The following ARHGEF3 variants were observed in gnomAD, a reference collection of about 807,000 sequenced individuals.
ARHGEF3 encodes 59.8 kDA protein.
A neutral mutation model predicts 63.2 loss-of-function variants in ARHGEF3; 28 were observed. The observed-to-expected ratio is 0.44, with a 90% CI of 0.33 to 0.61. The LOEUF is 0.61. ARHGEF3 is among the 20% of genes least tolerant of loss of function. The pLI is 0.03. For synonymous variants in ARHGEF3, 266 were observed against 254.2 expected, an observed-to-expected ratio of 1.05 and a Z score of -0.44; for missense variants, 533 against 659.3, an observed-to-expected ratio of 0.81 and a Z score of 2.10.
Position 56,816,638 on chromosome 3 carries a change from T to A in ARHGEF3, c.193-42822A>T, listed in dbSNP as rs543031492. Among the ~76,000 whole-genome samples the A allele has an allele frequency of 2.6e-5, 4 of 152,328 alleles. No homozygotes were observed. The South Asian group carries it at 6.2e-4, about 24-fold the overall frequency. On this transcript the variant is annotated intron_variant, in intron 4 of 12. Transcript: ENST00000338458. The stretch of plus-strand genomic sequence containing the variant: ...GCCAGGCACTGTGCTTTGACTTTAA[T>A]GAAGTATCTCAAGTAATCCTTACAA...
At chr3:57,001,386 TCA>T (rs1702186732) in intron 2 of ARHGEF3, among the ~76,000 whole-genome samples, 1 of 152,236 alleles carries the variant, frequency 6.6e-6, no homozygotes, top group Non-Finnish European at 1.5e-5. Context: ...ATTTAGGTGT[TCA>T]GAGTTTTTTG....
intron 4 of ARHGEF3, among the ~76,000 whole-genome samples, chr3:56,841,081 C>T (rs1241819312): frequency 6.6e-6 from 1 of 152,072 alleles, no homozygotes; most frequent in African/African-American, 2.4e-5. Flanking sequence ...TCTCTTTGCC[C>T]CCAGTAGATA....
intron 2 of ARHGEF3, among the ~76,000 whole-genome samples, chr3:57,009,120 C>T (rs952581714): frequency 3.3e-5 from 5 of 152,234 alleles, no homozygotes; most frequent in African/African-American, 1.2e-4. Context: ...GATGGGCTGG[C>T]CCTGTGAGCC....
chr3:57,017,028 TCTCTCACACACACACA>T (rs1212720892), intron 2 of ARHGEF3, among the ~76,000 whole-genome samples: 6 of 127,414 alleles, frequency 4.7e-5, no homozygotes, highest in African/African-American at 1.5e-4. Flanking sequence ...TCTCTCTCTC[TCTCTCACACACACACA>T]CACACACACA....
intron 3 of ARHGEF3, among the ~76,000 whole-genome samples, chr3:56,917,761 T>C (rs1449017069): frequency 6.6e-6 from 1 of 152,212 alleles, no homozygotes; most frequent in African/African-American, 2.4e-5. Flanking sequence ...CAGGGTATTT[T>C]GGAAGACACC....
chr3:56,968,330 AT>A (rs1700754063), intron 2 of ARHGEF3, among the ~76,000 whole-genome samples: 3 of 55,508 alleles, frequency 5.4e-5, no homozygotes, highest in Non-Finnish European at 1.1e-4. Flanking sequence ...TTTTATATAT[AT>A]ATAATATATA....
At chr3:56,948,924 T>C (rs1699659574) in intron 3 of ARHGEF3, among the ~76,000 whole-genome samples, 1 of 151,990 alleles carries the variant, frequency 6.6e-6, no homozygotes, top group Admixed American at 6.6e-5. Context: ...AAAAAGCTTA[T>C]CCACCATGAT....
At chr3:57,044,349 G>A (rs760379434) in intron 1 of ARHGEF3, among the ~76,000 whole-genome samples, 112 of 152,286 alleles carry the variant, frequency 7.4e-4, no homozygotes, top group Middle Eastern at 6.8e-3. Flanking sequence ...AGAATCACAG[G>A]AAAAGAAGGC....
At chr3:56,896,558 C>A (rs1421511093) in intron 3 of ARHGEF3, among the ~76,000 whole-genome samples, 2 of 152,130 alleles carry the variant, frequency 1.3e-5, no homozygotes, top group Non-Finnish European at 2.9e-5. Flanking sequence ...AACTGAAGGC[C>A]CTGCATTGAT....
intron 3 of ARHGEF3, among the ~76,000 whole-genome samples, chr3:56,911,936 GA>G (rs1164426565): frequency 1.1e-4 from 15 of 138,794 alleles, no homozygotes; most frequent in South Asian, 2.3e-4. Flanking sequence ...GTCTCTAAAA[GA>G]AAAAAAAAAT....
At chr3:57,002,479 TTATATATA>T (rs1159985048) in intron 2 of ARHGEF3, among the ~76,000 whole-genome samples, 1 of 39,472 alleles carries the variant, frequency 2.5e-5, no homozygotes, top group African/African-American at 1.5e-4. Flanking sequence ...TATATATATG[TTATATATA>T]TATATATATG....
At chr3:56,908,968 A>G (rs1316419178) in intron 3 of ARHGEF3, among the ~76,000 whole-genome samples, 1 of 152,216 alleles carries the variant, frequency 6.6e-6, no homozygotes, top group Non-Finnish European at 1.5e-5. Flanking sequence ...CAAACAAGGT[A>G]TCATCAACAC....
intron 3 of ARHGEF3, among the ~76,000 whole-genome samples, chr3:56,908,140 A>T (rs1017752040): frequency 1.3e-5 from 2 of 152,204 alleles, no homozygotes; most frequent in Non-Finnish European, 2.9e-5. Flanking sequence ...ATGACAAAGG[A>T]TCAACCCTGC....
At chr3:57,021,889 C>T (rs1402923259) in intron 2 of ARHGEF3, among the ~76,000 whole-genome samples, 2 of 151,832 alleles carry the variant, frequency 1.3e-5, no homozygotes, top group African/African-American at 4.8e-5. Flanking sequence ...TGGAAAAATC[C>T]CTCCCTACAA....
At chr3:56,858,682 G>A (rs976218484) in intron 4 of ARHGEF3, among the ~76,000 whole-genome samples, 1 of 152,216 alleles carries the variant, frequency 6.6e-6, no homozygotes, top group African/African-American at 2.4e-5. Context: ...GACATTGAAA[G>A]CTGAGATCAG....
chr3:56,748,731 C>CT (rs2034554436), intron 6 of ARHGEF3, among the ~76,000 whole-genome samples: 1 of 152,038 alleles, frequency 6.6e-6, no homozygotes, highest in East Asian at 1.9e-4. Flanking sequence ...CTAGGGAAGG[C>CT]TTACTCAAAC....
intron 4 of ARHGEF3, among the ~76,000 whole-genome samples, chr3:56,753,150 A>T (rs1287794610): frequency 6.6e-6 from 1 of 152,254 alleles, no homozygotes; most frequent in Non-Finnish European, 1.5e-5. Context: ...TCTAAGACTC[A>T]GTTCAAGTTT....
chr3:56,986,315 C>G (rs1701534064), intron 2 of ARHGEF3, among the ~76,000 whole-genome samples: 1 of 152,214 alleles, frequency 6.6e-6, no homozygotes, highest in South Asian at 2.1e-4. Context: ...CCTGTTGTCC[C>G]TAATCTCTGC....
intron 3 of ARHGEF3, among the ~76,000 whole-genome samples, chr3:56,951,866 T>C (rs1175379030): frequency 6.6e-6 from 1 of 151,932 alleles, no homozygotes; most frequent in African/African-American, 2.4e-5. Context: ...GCCAAGAACA[T>C]GTGCTTTGGA....
Sources: gnomAD v4.1 joint callset for allele counts (sites outside exome capture counted in the v4.1 genomes callset) on GRCh38, gnomAD v4.1.1 for gene constraint, MANE v1.5 for transcripts, NCBI Gene and HGNC (gene_info 2026-07-23, HGNC 2026-07-21) for gene names.